The following ZC3H6 variants were observed in gnomAD, a reference collection of about 807,000 sequenced individuals.
ZC3H6 encodes the protein zinc finger CCCH-type containing 6.
A neutral mutation model predicts 107.7 loss-of-function variants in ZC3H6; 40 were observed. The observed-to-expected ratio is 0.37, with a 90% CI of 0.29 to 0.48. The LOEUF (loss-of-function observed/expected upper bound fraction) is 0.48. ZC3H6 is among the 20% of genes least tolerant of loss of function. The pLI, the probability that ZC3H6 is intolerant of heterozygous loss-of-function variation, is 0.98. For missense variants in ZC3H6, 1,267 were observed against 1,410.4 expected (o/e 0.90, Z 1.63); for synonymous variants, 493 against 487.9 (o/e 1.01, Z -0.14).
rs1573969568 is a variant in ZC3H6, at chr2:112,335,786, A to G, written c.*3298A>G. 1 of 152,152 alleles carries G rather than the reference A, an allele frequency of 6.6e-6. No homozygotes were observed. Among genetic ancestry groups the G allele is most frequent in the East Asian group, 1.9e-4 (1 of 5,202 alleles). The allele number at this position is 152,152 out of a possible 1,614,324, so 9.4% of individuals were successfully genotyped here. A position where few individuals can be genotyped will look rare whatever the true frequency, so the allele number is the denominator to read the frequency against. ...TAGAATTTCCTGAGAGGTTGAGTGA[A>G]TATTAACCCATCAAGTTAGCAATTT... On this transcript the variant is annotated 3_prime_UTR_variant, in exon 12 of 12. Coordinates refer to ENST00000409871, the MANE Select transcript of ZC3H6 (RefSeq NM_198581.3).
rs891522864 is a variant in ZC3H6 at position 112,324,248 on chromosome 2, A to G, written c.1437A>G (p.Pro479=). 6.2e-7 allele frequency: 1 copy of G among 1,613,562 alleles called. No homozygotes were observed. Among genetic ancestry groups the G allele is most frequent in the Admixed American group, 1.7e-5 (1 of 60,018 alleles). The change falls in exon 10 of 12, where the codon CCA becomes CCG. Residue 479 remains proline, a synonymous_variant. Coordinates refer to ENST00000409871, the MANE Select transcript of ZC3H6 (RefSeq NM_198581.3). ...ATATCTATAGTTCTGGGTCAAGTCCAGGTCCTGGACCTAACATGTCTCAGG... is the reference window on the plus strand; with the variant it reads ...ATATCTATAGTTCTGGGTCAAGTCCGGGTCCTGGACCTAACATGTCTCAGG... ...PQHIYSSGSS[P]GPGPNMSQGH... is the part of the protein sequence containing the mutation.
At chr2:112,295,508 A>G (rs2104702514) in intron 1 of ZC3H6, among the ~76,000 whole-genome samples, 1 of 152,200 alleles carries the variant, frequency 6.6e-6, no homozygotes, top group South Asian at 2.1e-4. Flanking sequence ...GCTTTATTTT[A>G]TTTTGGTGAT....
chr2:112,318,198 C>T (rs1050094416), intron 7 of ZC3H6, among the ~76,000 whole-genome samples: 2 of 151,820 alleles, frequency 1.3e-5, no homozygotes, highest in Admixed American at 6.6e-5. Flanking sequence ...ATCAAAATGT[C>T]AAAAAATGGA....
Position 112,322,874 on chromosome 2 carries a change from G to C in ZC3H6, c.1312G>C (p.Val438Leu). The C allele has an allele frequency of 6.2e-7, 1 of 1,606,018 alleles. No individual in the cohort carries two copies. The highest frequency in any genetic ancestry group is 8.5e-7 in the Non-Finnish European group (1 of 1,177,152). ...TTTTGAAATAGTTGTAAAACCTACTGTGGATTTAGCGCATAAAATTGGGAG... is the reference window on the plus strand; with the variant it reads ...TTTTGAAATAGTTGTAAAACCTACTCTGGATTTAGCGCATAAAATTGGGAG... ...SLFEIVVKPT[V>L]DLAHKIGRKP... is the part of the protein sequence containing the mutation. The change falls in exon 9 of 12, where the codon GTG becomes CTG. Residue 438 changes from valine (V) to leucine (L), a missense_variant. Physicochemically the swap from Val to Leu is conservative, Grantham distance 32. Around this residue, in one of 3 missense-constraint regions of ZC3H6, gnomAD observed 925 missense variants for 1,025.7 expected, o/e 0.90. Coordinates refer to ENST00000409871, the MANE Select transcript of ZC3H6 (RefSeq NM_198581.3).
chr2:112,305,831 G>A (rs1447434355), intron 3 of ZC3H6, among the ~76,000 whole-genome samples: 1 of 152,080 alleles, frequency 6.6e-6, no homozygotes, highest in Non-Finnish European at 1.5e-5. Context: ...TTGCAAGAAT[G>A]GTGCAGAGAA....
chr2:112,323,445 A>G (rs1358463339), intron 9 of ZC3H6, among the ~76,000 whole-genome samples: 2 of 152,204 alleles, frequency 1.3e-5, no homozygotes, highest in Non-Finnish European at 2.9e-5. Context: ...GAGGAACAAG[A>G]AATCTATAGC....
At chr2:112,328,870 C>T (rs12468534) in intron 11 of ZC3H6, among the ~76,000 whole-genome samples, 98 of 149,240 alleles carry the variant, frequency 6.6e-4, no homozygotes, top group African/African-American at 2.1e-3. Context: ...ACCCAGGAGG[C>T]GGAGGTTGCA....
rs1677198994 is a variant in ZC3H6 at position 112,339,253 on chromosome 2, T to C, written c.*6765T>C. The C allele has an allele frequency of 6.6e-6, 1 of 152,124 alleles. No homozygotes were observed. The highest frequency in any genetic ancestry group is 1.5e-5 in the Non-Finnish European group (1 of 68,028). 9.4% of individuals were successfully genotyped at this position (152,124 alleles called of 1,614,324 possible). On this transcript the variant is annotated 3_prime_UTR_variant, in exon 12 of 12. Transcript: ENST00000409871. ...AAAGTGAAAAATGATAAACTAACCA[T>C]TATAAAATAGAGGTTTGAGTCCACC...
At chr2:112,295,372 A>G (rs753914253) in intron 1 of ZC3H6, among the ~76,000 whole-genome samples, 2 of 152,222 alleles carry the variant, frequency 1.3e-5, no homozygotes, top group Admixed American at 6.5e-5. Flanking sequence ...CTTATATAAT[A>G]GTATTAAGCT....
chr2:112,279,023 T>C (rs1339633088), intron 1 of ZC3H6, among the ~76,000 whole-genome samples: 2 of 152,240 alleles, frequency 1.3e-5, no homozygotes, highest in African/African-American at 4.8e-5. Context: ...TTTTCACACC[T>C]GGAGTTAAAA....
intron 10 of ZC3H6, 38 bp from the exon 11 acceptor site, chr2:112,324,926 T>G (rs1053204453): frequency 6.5e-7 from 1 of 1,541,152 alleles, no homozygotes; most frequent in Non-Finnish European, 8.8e-7. Context: ...AGTTTTGTGC[T>G]CACTCAATGA....
chr2:112,337,572 T>G lies in ZC3H6; in HGVS notation c.*5084T>G, dbSNP rs1463259493. ...CCTGACCCCAGGTGATCCACCCGCC[T>G]CAACCTCCAAAAGTGTTGGGGTTAC... On this transcript the variant is annotated 3_prime_UTR_variant, in exon 12 of 12. Transcript: ENST00000409871. 1 of 152,210 alleles carries G rather than the reference T, an allele frequency of 6.6e-6. No individual in the cohort carries two copies. Among genetic ancestry groups the G allele is most frequent in the African/African-American group, 2.4e-5 (1 of 41,438 alleles). 9.4% of individuals were successfully genotyped at this position (152,210 alleles called of 1,614,324 possible).
Position 112,322,702 on chromosome 2 carries a change from A to G in ZC3H6, c.1140A>G (p.Glu380=). The change falls in exon 9 of 12, where the codon GAA becomes GAG. Residue 380 remains glutamate (E), a synonymous_variant. Transcript: ENST00000409871. ...LINEDERELE[E]LRKRGITPLP... is the part of the protein sequence containing the mutation. ...ATGAAGATGAAAGAGAATTAGAGGA[A>G]CTTAGAAAGCGTGGCATAACTCCTC... 1 of 1,613,108 alleles carries G rather than the reference A, an allele frequency of 6.2e-7. No individual in the cohort carries two copies. The highest frequency in any genetic ancestry group is 8.5e-7 in the Non-Finnish European group (1 of 1,179,624).
chr2:112,307,760 T>TA (rs1178394568), intron 3 of ZC3H6, among the ~76,000 whole-genome samples: 1 of 152,194 alleles, frequency 6.6e-6, no homozygotes, highest in Non-Finnish European at 1.5e-5. Flanking sequence ...CGTGCATTCT[T>TA]AGGGGACTAT....
intron 1 of ZC3H6, among the ~76,000 whole-genome samples, chr2:112,284,743 A>G (rs991479565): frequency 2.2e-4 from 34 of 152,188 alleles, no homozygotes; most frequent in Non-Finnish European, 4.1e-4. Flanking sequence ...ACACATACAT[A>G]ATATCTGGAG....
In ZC3H6 at chr2:112,333,250, G is replaced by A. The variant is rs1013769990; in HGVS notation, c.*762G>A. 1 of 152,516 alleles carries A rather than the reference G, an allele frequency of 6.6e-6. No individual in the cohort carries two copies. Among genetic ancestry groups the A allele is most frequent in the African/African-American group, 2.4e-5 (1 of 41,450 alleles). 9.4% of individuals were successfully genotyped at this position (152,516 alleles called of 1,614,324 possible). A position where few individuals can be genotyped will look rare whatever the true frequency, so the allele number is the denominator to read the frequency against. On this transcript the variant is annotated 3_prime_UTR_variant, in exon 12 of 12. Transcript: ENST00000409871. ...CATTGTGATGTTTATGTATGTCAAT[G>A]TTTTTGTCTTTAACAGCATAATTTA...
chr2:112,308,697 G>T (rs964660003), intron 3 of ZC3H6, among the ~76,000 whole-genome samples: 23 of 149,370 alleles, frequency 1.5e-4, no homozygotes, highest in Non-Finnish European at 2.7e-4. Context: ...CTCCCAAAGT[G>T]CTGGGATTAC....
chr2:112,284,169 G>GT (rs894284338), intron 1 of ZC3H6, among the ~76,000 whole-genome samples: 3 of 138,802 alleles, frequency 2.2e-5, no homozygotes, highest in Non-Finnish European at 5.1e-5. Context: ...GTGGGGTTGA[G>GT]TTTTTTATGA....
Position 112,324,182 on chromosome 2 carries a change from A to T in ZC3H6, c.1371A>T (p.Pro457=). 1 of 1,590,170 alleles carries T rather than the reference A, an allele frequency of 6.3e-7. No individual in the cohort carries two copies. The highest frequency in any genetic ancestry group is 8.6e-7 in the Non-Finnish European group (1 of 1,160,508). Reference sequence around the variant, plus strand: ...CAGCATTTTATACCAGTGCCTCACCACCAGGACCACAATTTCAGGGAAGCA... The same window carrying T: ...CAGCATTTTATACCAGTGCCTCACCTCCAGGACCACAATTTCAGGGAAGCA... ...KPPAFYTSAS[P]PGPQFQGSSP... The change falls in exon 10 of 12, where the codon CCA becomes CCT. Residue 457 remains proline (P), a synonymous_variant. Coordinates refer to ENST00000409871, the MANE Select transcript of ZC3H6 (RefSeq NM_198581.3).
Sources: allele counts gnomAD v4.1 joint callset (sites outside exome capture counted in the v4.1 genomes callset), GRCh38; gene constraint gnomAD v4.1.1; regional missense constraint gnomAD v4.1.1; transcripts MANE v1.5; gene names NCBI Gene and HGNC (gene_info 2026-07-23, HGNC 2026-07-21).